The following ADGRB3 variants were observed in gnomAD, a reference collection of about 807,000 sequenced individuals.
ADGRB3 encodes the protein adhesion G protein-coupled receptor B3.
In ADGRB3, 37 loss-of-function variants were observed where a neutral mutation model predicts 193.4. The ratio of observed to expected loss-of-function variants is 0.19; its 90% CI spans 0.15 to 0.25. ADGRB3 has a LOEUF of 0.25. Among genes scored for constraint, ADGRB3 ranks in the 10% least tolerant of loss-of-function variants. ADGRB3 has a pLI of 1.00. For synonymous variants in ADGRB3, 690 were observed against 644.2 expected, an observed-to-expected ratio of 1.07 and a Z score of -1.08; for missense variants, 1,637 against 1,852.9, an observed-to-expected ratio of 0.88 and a Z score of 2.14.
intron 3 of ADGRB3, among the ~76,000 whole-genome samples, chr6:68,748,567 G>C (rs1003392056): frequency 2.0e-5 from 3 of 152,180 alleles, no homozygotes; most frequent in African/African-American, 7.2e-5. Context: ...GGGCAGCTCT[G>C]ACCCTGTGGC....
chr6:69,256,388 G>A (rs923047633), intron 20 of ADGRB3, among the ~76,000 whole-genome samples: 1 of 152,128 alleles, frequency 6.6e-6, no homozygotes, highest in Non-Finnish European at 1.5e-5. Context: ...TTGAGCAGTG[G>A]TTTGTAGTTC....
intron 3 of ADGRB3, among the ~76,000 whole-genome samples, chr6:68,887,035 G>C (rs1437546074): frequency 1.3e-5 from 2 of 149,334 alleles, no homozygotes; most frequent in African/African-American, 4.9e-5. Flanking sequence ...AAAGATATAG[G>C]AATATTTTAT....
chr6:69,009,312 G>A (rs543331021), intron 11 of ADGRB3, among the ~76,000 whole-genome samples: 88 of 152,182 alleles, frequency 5.8e-4, no homozygotes, highest in African/African-American at 2.0e-3. Flanking sequence ...ACTGGGGAGG[G>A]GGGAGTGATG....
intron 17 of ADGRB3, among the ~76,000 whole-genome samples, chr6:69,152,078 A>C (rs1364409373): frequency 6.6e-6 from 1 of 152,200 alleles, no homozygotes; most frequent in Non-Finnish European, 1.5e-5. Context: ...GAGTCAATTA[A>C]ACCTCTTTCC....
intron 26 of ADGRB3, among the ~76,000 whole-genome samples, chr6:69,351,460 T>G (rs183312203): frequency 2.3e-4 from 35 of 152,326 alleles, no homozygotes; most frequent in African/African-American, 7.9e-4. Context: ...GAATTTCTTA[T>G]GCAAATCTTT....
rs148799111 is a variant in ADGRB3 at position 69,358,330 on chromosome 6, A to C, written c.3595+2470A>C. On this transcript the variant is annotated intron_variant, in intron 28 of 31. Transcript: ENST00000370598. ...TAAGCCATCCAGATAATTTTGATGC[A>C]TGCTAAAATTTGAGTACCACTGTAT... 9.3e-3 allele frequency among the ~76,000 whole-genome samples: 1,411 copies of C among 151,978 alleles called. 20 individuals are homozygous for C. Among genetic ancestry groups the C allele is most frequent in the African/African-American group, 0.033 (1,349 of 41,506 alleles).
intron 20 of ADGRB3, among the ~76,000 whole-genome samples, chr6:69,323,450 C>T (rs1768504847): frequency 6.6e-6 from 1 of 151,968 alleles, no homozygotes; most frequent in African/African-American, 2.4e-5. Context: ...TTGGTTAAAG[C>T]TACTGCATTA....
At chr6:68,942,426 A>C (rs907906155) in intron 5 of ADGRB3, among the ~76,000 whole-genome samples, 2 of 152,116 alleles carry the variant, frequency 1.3e-5, no homozygotes, top group Non-Finnish European at 2.9e-5. Flanking sequence ...GGCCTTTTGA[A>C]CTTCTAAGAG....
At chr6:69,064,645 G>T (rs200444463) in intron 16 of ADGRB3, among the ~76,000 whole-genome samples, 1 of 151,612 alleles carries the variant, frequency 6.6e-6, no homozygotes. Context: ...TGTAGTAAGA[G>T]ATTAATTCTC....
At chr6:68,822,278 T>G (rs556990677) in intron 3 of ADGRB3, among the ~76,000 whole-genome samples, 2 of 152,048 alleles carry the variant, frequency 1.3e-5, no homozygotes, top group South Asian at 4.1e-4. Context: ...AAGTGAAGAA[T>G]AATAAAATTA....
At chr6:69,020,506 G>T (rs1232542940) in intron 13 of ADGRB3, among the ~76,000 whole-genome samples, 1 of 151,822 alleles carries the variant, frequency 6.6e-6, no homozygotes, top group Non-Finnish European at 1.5e-5. Flanking sequence ...TGTTATCTAG[G>T]TTTACCTTCT....
At chr6:69,069,570 A>AAAAAAAAAAAAAAAAAAAAAAAAAAAAT in intron 16 of ADGRB3, among the ~76,000 whole-genome samples, 1 of 141,178 alleles carries the variant, frequency 7.1e-6, no homozygotes, top group Non-Finnish European at 1.5e-5. Context: ...AAAAAAAAAA[A>AAAAAAAAAAAAAAAAAAAAAAAAAAAAT]AAAAAAAAAA....
intron 3 of ADGRB3, among the ~76,000 whole-genome samples, chr6:68,718,511 T>C (rs1238982133): frequency 6.6e-6 from 1 of 151,758 alleles, no homozygotes; most frequent in Non-Finnish European, 1.5e-5. Flanking sequence ...ATTGAACAAG[T>C]CTTATGTTGT....
At chr6:69,255,963 C>T (rs991487674) in intron 20 of ADGRB3, among the ~76,000 whole-genome samples, 2 of 152,052 alleles carry the variant, frequency 1.3e-5, no homozygotes, top group Admixed American at 6.6e-5. Context: ...ATAGGGAATC[C>T]TTTCCCCATT....
At chr6:69,181,613 CA>C (rs1285331725) in intron 17 of ADGRB3, among the ~76,000 whole-genome samples, 1 of 152,088 alleles carries the variant, frequency 6.6e-6, no homozygotes, top group African/African-American at 2.4e-5. Context: ...TATACATTAT[CA>C]AATAAACATA....
intron 3 of ADGRB3, among the ~76,000 whole-genome samples, chr6:68,837,532 T>A (rs571282903): frequency 4.6e-5 from 7 of 152,326 alleles, no homozygotes; most frequent in Middle Eastern, 3.4e-3. Context: ...GTAGAGTATA[T>A]ATCCTTTAAA....
intron 3 of ADGRB3, among the ~76,000 whole-genome samples, chr6:68,772,886 A>AAAC (rs1766653439): frequency 1.4e-4 from 6 of 41,524 alleles, no homozygotes; most frequent in South Asian, 8.7e-4. Flanking sequence ...AACAAACAAA[A>AAAC]AAAAAAAAAT....
chr6:68,724,788 T>C (rs769329967), intron 3 of ADGRB3, among the ~76,000 whole-genome samples: 5 of 151,588 alleles, frequency 3.3e-5, no homozygotes, highest in African/African-American at 4.8e-5. Flanking sequence ...ATTTACTTAA[T>C]TCATCAAGCA....
intron 28 of ADGRB3, 30 bp downstream of exon 28, chr6:69,355,890 CAGT>C (rs1235777913): frequency 6.6e-7 from 1 of 1,521,888 alleles, no homozygotes; most frequent in Non-Finnish European, 9.1e-7. Context: ...GAAATCTAAT[CAGT>C]AGGGATGTTC....
Sources: allele counts gnomAD v4.1 joint callset (sites outside exome capture counted in the v4.1 genomes callset), GRCh38; gene constraint gnomAD v4.1.1; transcripts MANE v1.5; gene names NCBI Gene and HGNC (gene_info 2026-07-23, HGNC 2026-07-21).